The following ITGA11 variants were observed in gnomAD, a reference collection of about 807,000 sequenced individuals.
ITGA11 encodes the protein integrin alpha-11.
In ITGA11, 97 loss-of-function variants were observed where a neutral mutation model predicts 141.9. The observed-to-expected ratio is 0.68, with a 90% CI of 0.58 to 0.81. ITGA11 has a LOEUF of 0.81. Ranked by LOEUF, ITGA11 falls within the 30% of genes least tolerant of loss-of-function variation. ITGA11 has a pLI of 0.00. For missense variants in ITGA11, 1,387 were observed against 1,559.2 expected (o/e 0.89, Z 1.86); for synonymous variants, 658 against 624.6 (o/e 1.05, Z -0.80).
At chr15:68,332,204 A>T (rs1894194980) in intron 13 of ITGA11, 134 bp downstream of exon 13, 1 of 1,270,806 alleles carries the variant, frequency 7.9e-7, no homozygotes, top group African/African-American at 1.5e-5. Flanking sequence ...ACCCAGCCAC[A>T]GAGGAGGCTC....
rs1566938759 is a variant in ITGA11, at chr15:68,400,838, TTATATTATATATTATATAATAAA to T, written c.164+2057_164+2079del. On this transcript the variant is annotated intron_variant, in intron 2 of 29. Coordinates refer to ENST00000315757, the MANE Select transcript of ITGA11 (RefSeq NM_001004439.2). ...AATATTATATATTATATAATAAATA[TTATATTATATATTATATAATAAA>T]TATAATATTATATATTATATAATAA... is the stretch of plus-strand genomic sequence containing the variant. 1.6e-3 allele frequency among the ~76,000 whole-genome samples: 111 copies of T among 68,210 alleles called. 14 individuals are homozygous for T. The highest frequency in any genetic ancestry group is 2.5e-3 in the Admixed American group (9 of 3,568). 44.7% of individuals were successfully genotyped at this position (68,210 alleles called of 152,430 possible).
chr15:68,415,747 C>T (rs1445631478), intron 1 of ITGA11, among the ~76,000 whole-genome samples: 1 of 152,220 alleles, frequency 6.6e-6, no homozygotes, highest in Non-Finnish European at 1.5e-5. Flanking sequence ...AAGCAGAGAG[C>T]TCATGTGTGT....
chr15:68,325,173 G>A lies in ITGA11; in HGVS notation c.2280C>T (p.Gly760=), dbSNP rs1567129213. ...TGGGCCAGCCGTCGTCCAGCATGGGGCCATGGTCAGGGTCCTCCAGGGAAT... is the reference window on the plus strand; with the variant it reads ...TGGGCCAGCCGTCGTCCAGCATGGGACCATGGTCAGGGTCCTCCAGGGAAT... ...VEYSLEDPDH[G]PMLDDGWPTT... is the part of the protein sequence containing the mutation. The change falls in exon 18 of 30, where the codon GGC becomes GGT. Residue 760 remains glycine, a synonymous_variant. Coordinates refer to ENST00000315757, the MANE Select transcript of ITGA11 (RefSeq NM_001004439.2). The surrounding 1 kb of genome is among the most constrained non-coding windows in gnomAD (Gnocchi z 5.5). 6.2e-7 allele frequency: 1 copy of A among 1,613,984 alleles called. No homozygotes were observed. The highest frequency in any genetic ancestry group is 1.1e-5 in the South Asian group (1 of 91,066).
chr15:68,424,654 C>T (rs1325328867), intron 1 of ITGA11, among the ~76,000 whole-genome samples: 3 of 152,180 alleles, frequency 2.0e-5, no homozygotes, highest in South Asian at 2.1e-4. Flanking sequence ...GAATGAGATG[C>T]GAAGCCCATG....
At chr15:68,320,672 C>A (rs1226358290) in intron 19 of ITGA11, among the ~76,000 whole-genome samples, 1 of 152,206 alleles carries the variant, frequency 6.6e-6, no homozygotes, top group African/African-American at 2.4e-5. Flanking sequence ...TCACGCATCA[C>A]CACTCCGCAC....
chr15:68,307,636 C>T lies in ITGA11; in HGVS notation c.3235G>A (p.Glu1079Lys), dbSNP rs1364885731. 1 of 1,613,764 alleles carries T rather than the reference C, an allele frequency of 6.2e-7. No individual in the cohort carries two copies. Among genetic ancestry groups the T allele is most frequent in the East Asian group, 2.2e-5 (1 of 44,894 alleles). ...TTCCCCAGTAGATGGAAATTGATTT[C>T]CTGGTTGGGGACCAGCCGTATATTG... is the stretch of plus-strand genomic sequence containing the variant. ...NCNIRLVPNQEINFHLLGNLW... is the reference protein window; with the variant it reads ...NCNIRLVPNQKINFHLLGNLW... The change falls in exon 27 of 30, where the codon GAA (glutamate) becomes AAA (lysine). Residue 1079 changes from glutamate (E) to lysine (K), a missense_variant. Coordinates refer to ENST00000315757, the MANE Select transcript of ITGA11 (RefSeq NM_001004439.2). This position sits in a 1 kb window ranked among gnomAD's most constrained non-coding sequence, Gnocchi z 6.1.
chr15:68,404,605 C>A (rs555909269), intron 1 of ITGA11, among the ~76,000 whole-genome samples: 18 of 152,282 alleles, frequency 1.2e-4, no homozygotes, highest in Admixed American at 4.6e-4. Context: ...TTGGCAGATG[C>A]ACTTGGTGCA....
chr15:68,313,672 C>T lies in ITGA11; in HGVS notation c.2882+107G>A, dbSNP rs1214128830. The T allele has an allele frequency of 1.7e-5, 14 of 800,800 alleles. No homozygotes were observed. The East Asian group carries it at 2.7e-4, about 15-fold the overall frequency. The allele number at this position is 800,800 out of a possible 1,614,324, so 49.6% of individuals were successfully genotyped here. A position where few individuals can be genotyped will look rare whatever the true frequency, so the allele number is the denominator to read the frequency against. On this transcript the variant is annotated intron_variant, in intron 23 of 29. Coordinates refer to ENST00000315757, the MANE Select transcript of ITGA11 (RefSeq NM_001004439.2). ...TGGCTCCATCCATAGTCCCTTAGTG[C>T]TGGGGTCTGGCCCTATTAGGGCCCA...
chr15:68,421,024 T>A lies in ITGA11; in HGVS notation c.52+10991A>T. On this transcript the variant is annotated intron_variant, in intron 1 of 29. Coordinates refer to ENST00000315757, the MANE Select transcript of ITGA11 (RefSeq NM_001004439.2). ...ACTGCCTGAGGTTTGGTGGGCAGGATGCCGGAGTGTGTGCTGTGAGGAATG... is the reference window on the plus strand; with the variant it reads ...ACTGCCTGAGGTTTGGTGGGCAGGAAGCCGGAGTGTGTGCTGTGAGGAATG... 2.2e-4 allele frequency among the ~76,000 whole-genome samples: 2 copies of A among 9,002 alleles called. 1 individual carries two copies. Among genetic ancestry groups the A allele is most frequent in the Non-Finnish European group, 4.7e-4 (2 of 4,284 alleles). 5.9% of individuals were successfully genotyped at this position (9,002 alleles called of 152,430 possible).
In ITGA11 at chr15:68,351,243, C is replaced by T. The variant is rs199682107; in HGVS notation, c.894+15G>A. On this transcript the variant is annotated intron_variant, in intron 8 of 29. Transcript: ENST00000315757. ...TCAGAGGCCATCAGCAGCCCTTGGG[C>T]GGGCCAGGACTTACGGCCACCGCAT... 6,551 of 1,612,962 alleles carry T rather than the reference C, an allele frequency of 4.1e-3. 26 individuals are homozygous for T. The highest frequency in any genetic ancestry group is 4.9e-3 in the Non-Finnish European group (5,733 of 1,179,452).
intron 2 of ITGA11, among the ~76,000 whole-genome samples, chr15:68,377,051 C>T (rs916315123): frequency 6.6e-6 from 1 of 152,304 alleles, no homozygotes; most frequent in South Asian, 2.1e-4. Flanking sequence ...GGGATCATGA[C>T]CACAGCCATC....
chr15:68,427,604 G>T (rs966294417), intron 1 of ITGA11, among the ~76,000 whole-genome samples: 3 of 152,148 alleles, frequency 2.0e-5, no homozygotes, highest in Non-Finnish European at 4.4e-5. Flanking sequence ...CAGATCTTAA[G>T]TATATAGTAT....
chr15:68,418,962 T>A (rs1171864375), intron 1 of ITGA11, among the ~76,000 whole-genome samples: 1 of 151,694 alleles, frequency 6.6e-6, no homozygotes, highest in Non-Finnish European at 1.5e-5. Flanking sequence ...CGAGAGGAAG[T>A]AGGGTGAAGA....
intron 4 of ITGA11, 51 bp from the exon 5 acceptor site, chr15:68,361,755 T>C: frequency 1.5e-6 from 2 of 1,317,656 alleles, no homozygotes; most frequent in Non-Finnish European, 2.1e-6. Context: ...TCAGAGAGGA[T>C]CGAGGTCCAA....
In ITGA11 at chr15:68,333,309, C is replaced by T. The variant is rs1341825732; in HGVS notation, c.1426-831G>A. ...AGAGATGGGGTCTCACTATGTTGCC[C>T]AGGCTGGTCTGGAACTCCTACGCTT... On this transcript the variant is annotated intron_variant, in intron 12 of 29. Transcript: ENST00000315757. The surrounding 1 kb of genome is among the most constrained non-coding windows in gnomAD (Gnocchi z 4.2). Among the ~76,000 whole-genome samples the T allele has an allele frequency of 2.0e-5, 3 of 152,172 alleles. No homozygotes were observed. The highest frequency in any genetic ancestry group is 7.2e-5 in the African/African-American group (3 of 41,434).
chr15:68,307,767 A>G lies in ITGA11; in HGVS notation c.3175-71T>C. On this transcript the variant is annotated intron_variant, in intron 26 of 29. Transcript: ENST00000315757. This position sits in a 1 kb window ranked among gnomAD's most constrained non-coding sequence, Gnocchi z 6.1. Reference sequence around the variant, plus strand: ...AGCAGGGGGCAGCAACACTGCTTGAACGACTGGGGCTCTGCTCCTGGGGGC... The same window carrying G: ...AGCAGGGGGCAGCAACACTGCTTGAGCGACTGGGGCTCTGCTCCTGGGGGC... 1 of 1,034,130 alleles carries G rather than the reference A, an allele frequency of 9.7e-7. No homozygotes were observed. Among genetic ancestry groups the G allele is most frequent in the Non-Finnish European group, 1.5e-6 (1 of 673,994 alleles). 64.1% of individuals were successfully genotyped at this position (1,034,130 alleles called of 1,614,324 possible). A position where few individuals can be genotyped will look rare whatever the true frequency, so the allele number is the denominator to read the frequency against.
At chr15:68,400,642 T>TATAA (rs1491330748) in intron 2 of ITGA11, among the ~76,000 whole-genome samples, 49 of 64,036 alleles carry the variant, frequency 7.7e-4, no homozygotes, top group African/African-American at 3.9e-3. Flanking sequence ...TATTATAATA[T>TATAA]TATATATTAT....
chr15:68,309,590 CTT>C (rs913221357), intron 26 of ITGA11, among the ~76,000 whole-genome samples: 1,347 of 108,674 alleles, frequency 0.012, 17 homozygotes, highest in African/African-American at 0.046. Flanking sequence ...CAATACAGTC[CTT>C]TTTTTTTTTT....
At position 68,320,207 on chromosome 15, in the gene ITGA11, T is replaced by C. The variant is rs191644323; in HGVS notation, c.2594A>G (p.Gln865Arg). Residue 865 changes from glutamine (Q) to arginine (R), a missense_variant, in exon 20 of 30, where the codon CAG becomes CGG. Physicochemically the swap from Gln to Arg is conservative, Grantham distance 43. Coordinates refer to ENST00000315757, the MANE Select transcript of ITGA11 (RefSeq NM_001004439.2). The part of the protein sequence containing the change: ...VLNISQSANL[Q>R]FASLIQKEDS... ...TACCTTCTGGATCAAGCTGGCAAAC[T>C]GCAGGTTTGCTGACTGCGAGATATT... 3.5e-5 allele frequency: 57 copies of C among 1,614,014 alleles called. No individual in the cohort carries two copies. The African/African-American group carries it at 6.8e-4, about 19-fold the overall frequency.
Sources: allele counts gnomAD v4.1 joint callset (sites outside exome capture counted in the v4.1 genomes callset), GRCh38; gene constraint gnomAD v4.1.1; non-coding constraint Gnocchi (gnomAD v3.1); transcripts MANE v1.5; gene names NCBI Gene and HGNC (gene_info 2026-07-23, HGNC 2026-07-21).